WDR72: variants seen among roughly 807,000 people sequenced by gnomAD.
WDR72 encodes WD repeat domain 72, also known as WD repeat-containing protein 72.
WDR72 carries 120 observed loss-of-function variants against 124.2 expected under a neutral mutation model. That is an observed-to-expected ratio of 0.97 (90% CI 0.83 to 1.12). WDR72 has a LOEUF of 1.12. Among genes scored for constraint, WDR72 ranks in the 50% most tolerant of loss-of-function variants. WDR72 has a pLI of 0.00. For synonymous variants in WDR72, 452 were observed against 441.7 expected, an observed-to-expected ratio of 1.02 and a Z score of -0.29; for missense variants, 1,387 against 1,278.8, an observed-to-expected ratio of 1.08 and a Z score of -1.29.
intron 18 of WDR72, among the ~76,000 whole-genome samples, chr15:53,546,333 C>T (rs1566953884): frequency 1.3e-5 from 2 of 151,984 alleles, no homozygotes; most frequent in Admixed American, 6.6e-5. Flanking sequence ...ACTATGCAGC[C>T]ATAAATAATG....
chr15:53,643,868 A>G (rs976412364), intron 14 of WDR72, among the ~76,000 whole-genome samples: 13 of 152,152 alleles, frequency 8.5e-5, no homozygotes, highest in African/African-American at 1.7e-4. Flanking sequence ...TAGAATCACA[A>G]TATCATCTAA....
At chr15:53,725,024 C>T (rs1328435789) in intron 2 of WDR72, among the ~76,000 whole-genome samples, 1 of 151,886 alleles carries the variant, frequency 6.6e-6, no homozygotes, top group East Asian at 1.9e-4. Context: ...AAACAAGCCA[C>T]AGATTGAGAG....
intron 13 of WDR72, among the ~76,000 whole-genome samples, chr15:53,668,776 T>C (rs562280665): frequency 2.8e-3 from 423 of 151,420 alleles, no homozygotes; most frequent in Non-Finnish European, 4.5e-3. Flanking sequence ...CATGGTGGCA[T>C]GTGCTTGTAG....
intron 13 of WDR72, among the ~76,000 whole-genome samples, chr15:53,695,476 C>T (rs879362797): frequency 1.3e-5 from 2 of 152,228 alleles, no homozygotes; most frequent in Non-Finnish European, 2.9e-5. Context: ...GTGCCAAATA[C>T]ACTGTGGGAG....
At chr15:53,700,093 T>C (rs921571800) in intron 12 of WDR72, 148 bp from the exon 13 acceptor site, 27 of 876,606 alleles carry the variant, frequency 3.1e-5, no homozygotes, top group Non-Finnish European at 4.1e-5. Context: ...GCACCTTTCA[T>C]GTAACCCTCT....
At chr15:53,737,323 G>T (rs926255473) in intron 1 of WDR72, among the ~76,000 whole-genome samples, 1 of 151,986 alleles carries the variant, frequency 6.6e-6, no homozygotes, top group Admixed American at 6.6e-5. Context: ...TTTGAGCATC[G>T]GAATAAATAA....
At chr15:53,538,279 A>G (rs1223986692) in intron 18 of WDR72, among the ~76,000 whole-genome samples, 3 of 152,340 alleles carry the variant, frequency 2.0e-5, no homozygotes, top group African/African-American at 7.2e-5. Flanking sequence ...TAAATGAGCA[A>G]CTATAATCTT....
At chr15:53,545,760 C>T (rs1489913345) in intron 18 of WDR72, among the ~76,000 whole-genome samples, 2 of 128,710 alleles carry the variant, frequency 1.6e-5, no homozygotes, top group Non-Finnish European at 3.3e-5. Context: ...TCGCAACCTA[C>T]TCATCTGACA....
At chr15:53,649,583 T>C (rs1010256544) in intron 14 of WDR72, among the ~76,000 whole-genome samples, 4 of 151,964 alleles carry the variant, frequency 2.6e-5, no homozygotes, top group Non-Finnish European at 4.4e-5. Flanking sequence ...CTTACAACTC[T>C]ATAGCAAAAA....
At chr15:53,693,119 A>G (rs1359698836) in intron 13 of WDR72, among the ~76,000 whole-genome samples, 1 of 152,198 alleles carries the variant, frequency 6.6e-6, no homozygotes, top group Non-Finnish European at 1.5e-5. Flanking sequence ...CTTTGACCTG[A>G]TATCTACAAA....
At chr15:53,719,473 T>C (rs1028190295) in intron 3 of WDR72, among the ~76,000 whole-genome samples, 16 of 152,296 alleles carry the variant, frequency 1.1e-4, no homozygotes, top group Non-Finnish European at 1.8e-4. Context: ...TATATTTCTA[T>C]AGGCAACTAG....
At chr15:53,603,364 A>C (rs28773794) in intron 17 of WDR72, among the ~76,000 whole-genome samples, 4 of 151,952 alleles carry the variant, frequency 2.6e-5, no homozygotes, top group Admixed American at 1.3e-4. Flanking sequence ...ATATGAAAAA[A>C]CCACAGCCAA....
At chr15:53,720,694 A>G (rs950025841) in intron 3 of WDR72, among the ~76,000 whole-genome samples, 8 of 152,200 alleles carry the variant, frequency 5.3e-5, no homozygotes, top group Non-Finnish European at 1.2e-4. Flanking sequence ...TGCTTAATTA[A>G]CACTCCTTGG....
At chr15:53,633,083 G>A (rs979521301) in intron 14 of WDR72, among the ~76,000 whole-genome samples, 1 of 152,098 alleles carries the variant, frequency 6.6e-6, no homozygotes, top group African/African-American at 2.4e-5. Context: ...GGCCAGAGGT[G>A]GAATGATATG....
At chr15:53,733,501 G>A (rs796116950) in intron 1 of WDR72, among the ~76,000 whole-genome samples, 8 of 152,236 alleles carry the variant, frequency 5.3e-5, no homozygotes, top group African/African-American at 1.9e-4. Context: ...AAGAAGCATA[G>A]AGCTGTCTAC....
At chr15:53,660,561 C>A (rs1451686290) in intron 14 of WDR72, among the ~76,000 whole-genome samples, 1 of 152,076 alleles carries the variant, frequency 6.6e-6, no homozygotes, top group Non-Finnish European at 1.5e-5. Flanking sequence ...AGAGACACAT[C>A]ACCATAAGGT....
At chr15:53,543,749 A>C (rs28760919) in intron 18 of WDR72, among the ~76,000 whole-genome samples, 9 of 151,880 alleles carry the variant, frequency 5.9e-5, no homozygotes, top group Non-Finnish European at 1.0e-4. Context: ...ACCGCTAGCA[A>C]GACTAATAAA....
At chr15:53,518,076 G>A (rs532244452) in intron 19 of WDR72, among the ~76,000 whole-genome samples, 306 of 127,654 alleles carry the variant, frequency 2.4e-3, no homozygotes, top group African/African-American at 7.5e-3. Context: ...TTTTCTATAA[G>A]AAAAATTTAG....
intron 1 of WDR72, among the ~76,000 whole-genome samples, chr15:53,741,985 C>T (rs191716692): frequency 6.6e-6 from 1 of 152,250 alleles, no homozygotes; most frequent in South Asian, 2.1e-4. Context: ...GCCTTGGCCT[C>T]CCAAAGTGCT....
Sources: gnomAD v4.1 joint callset for allele counts (sites outside exome capture counted in the v4.1 genomes callset) on GRCh38, gnomAD v4.1.1 for gene constraint, MANE v1.5 for transcripts, NCBI Gene and HGNC (gene_info 2026-07-23, HGNC 2026-07-21) for gene names.